The following PIGL variants were observed in gnomAD, a reference collection of about 807,000 sequenced individuals.
PIGL encodes N-acetylglucosaminyl-phosphatidylinositol de-N-acetylase.
PIGL carries 22 observed loss-of-function variants against 31.1 expected under a neutral mutation model. The observed-to-expected ratio is 0.71, with a 90% confidence interval of 0.51 to 1.01. The LOEUF is 1.01. Among genes scored for constraint, PIGL ranks in the 50% least tolerant of loss-of-function variants. The pLI, the probability that PIGL is intolerant of heterozygous loss-of-function variation, is 0.00. For synonymous variants in PIGL, 131 were observed against 117.4 expected (o/e 1.12, Z -0.75); for missense variants, 302 against 315.9 (o/e 0.96, Z 0.33).
chr17:16,266,660 A>G (rs912315808), intron 2 of PIGL, among the ~76,000 whole-genome samples: 21 of 151,306 alleles, frequency 1.4e-4, no homozygotes, highest in Non-Finnish European at 2.4e-4. Context: ...CAGTGGCGCT[A>G]TCTCGGCTCA....
At chr17:16,228,630 C>CCGCCTTGGAGG (rs1437717627) in intron 1 of PIGL, among the ~76,000 whole-genome samples, 1 of 152,140 alleles carries the variant, frequency 6.6e-6, no homozygotes, top group Non-Finnish European at 1.5e-5. Context: ...CCTCGTGATC[C>CCGCCTTGGAGG]GCCCGCCTTG....
chr17:16,268,629 T>C (rs1168723285), intron 2 of PIGL, among the ~76,000 whole-genome samples: 1 of 151,630 alleles, frequency 6.6e-6, no homozygotes, highest in Admixed American at 6.6e-5. Flanking sequence ...TTTGTATTTT[T>C]AGTAGAGATG....
intron 1 of PIGL, among the ~76,000 whole-genome samples, chr17:16,220,675 C>A (rs771691717): frequency 6.6e-6 from 1 of 151,784 alleles, no homozygotes; most frequent in South Asian, 2.1e-4. Flanking sequence ...TTAGTAGAGA[C>A]GGGCTTTCTC....
intron 1 of PIGL, among the ~76,000 whole-genome samples, chr17:16,221,618 TTTTG>T (rs2092629697): frequency 6.6e-6 from 1 of 151,586 alleles, no homozygotes. Flanking sequence ...CCTGGCTAAT[TTTTG>T]TTTTTGTTTT....
At chr17:16,270,934 C>T (rs1270175469) in intron 2 of PIGL, among the ~76,000 whole-genome samples, 1 of 151,798 alleles carries the variant, frequency 6.6e-6, no homozygotes, top group Non-Finnish European at 1.5e-5. Flanking sequence ...TGATCCCTCC[C>T]TTGGACTCAT....
chr17:16,252,463 G>A (rs1477438315), intron 2 of PIGL, among the ~76,000 whole-genome samples: 1 of 151,892 alleles, frequency 6.6e-6, no homozygotes, highest in African/African-American at 2.4e-5. Context: ...TTTAACAGTA[G>A]CTGCTACTTA....
intron 1 of PIGL, among the ~76,000 whole-genome samples, chr17:16,221,686 C>G (rs184319123): frequency 6.6e-6 from 1 of 152,210 alleles, no homozygotes; most frequent in Non-Finnish European, 1.5e-5. Flanking sequence ...GTGGCACAAT[C>G]TCGGCTCACT....
chr17:16,308,210 G>A (rs1276672630), intron 3 of PIGL, among the ~76,000 whole-genome samples: 2 of 152,014 alleles, frequency 1.3e-5, no homozygotes, highest in Admixed American at 1.3e-4. Context: ...GCAGATGCCT[G>A]TAATCCCAGC....
intron 2 of PIGL, among the ~76,000 whole-genome samples, chr17:16,269,648 CAAA>C (rs746630809): frequency 3.3e-5 from 2 of 61,034 alleles, no homozygotes; most frequent in Non-Finnish European, 3.5e-5. Flanking sequence ...GACTCCGTCT[CAAA>C]AAAAAAAAAA....
chr17:16,323,558 A>C (rs1204488361), intron 6 of PIGL, among the ~76,000 whole-genome samples: 1 of 148,706 alleles, frequency 6.7e-6, no homozygotes, highest in Non-Finnish European at 1.5e-5. Flanking sequence ...TTTATTGTTA[A>C]TTTATAATTT....
At chr17:16,228,594 TA>T (rs1441035744) in intron 1 of PIGL, among the ~76,000 whole-genome samples, 1 of 150,656 alleles carries the variant, frequency 6.6e-6, no homozygotes, top group African/African-American at 2.5e-5. Flanking sequence ...TTCACCGTGT[TA>T]GCCAGGATGG....
At chr17:16,311,065 G>A (rs1313312516) in intron 3 of PIGL, among the ~76,000 whole-genome samples, 1 of 152,096 alleles carries the variant, frequency 6.6e-6, no homozygotes, top group Non-Finnish European at 1.5e-5. Context: ...ATGCTTTACA[G>A]TTTAAAATAG....
chr17:16,259,886 CTT>C (rs2092812092), intron 2 of PIGL, among the ~76,000 whole-genome samples: 1 of 152,222 alleles, frequency 6.6e-6, no homozygotes, highest in African/African-American at 2.4e-5. Flanking sequence ...TCCCTGCACT[CTT>C]GACTCAGGAA....
chr17:16,244,825 T>A (rs2092737662), intron 2 of PIGL, among the ~76,000 whole-genome samples: 1 of 151,780 alleles, frequency 6.6e-6, no homozygotes, highest in South Asian at 2.1e-4. Flanking sequence ...CAGGCACACG[T>A]CACCACATCT....
chr17:16,317,709 G>A (rs1389068274), intron 5 of PIGL, 66 bp from the exon 6 acceptor site: 1 of 1,605,976 alleles, frequency 6.2e-7, no homozygotes, highest in Non-Finnish European at 8.5e-7. Context: ...GAGGGAGGAT[G>A]CTCAGGGGAA....
At chr17:16,254,993 G>T (rs1031159138) in intron 2 of PIGL, among the ~76,000 whole-genome samples, 3 of 152,200 alleles carry the variant, frequency 2.0e-5, no homozygotes, top group African/African-American at 7.2e-5. Context: ...GTAAAGGAAT[G>T]ATTCCATTTG....
chr17:16,231,658 C>T (rs925267803), intron 1 of PIGL, among the ~76,000 whole-genome samples: 7 of 151,962 alleles, frequency 4.6e-5, no homozygotes, highest in African/African-American at 1.7e-4. Context: ...TGAGTCTTTA[C>T]AAAATGTCTT....
At chr17:16,235,752 C>CTTTTT (rs35285920) in intron 2 of PIGL, among the ~76,000 whole-genome samples, 1 of 111,530 alleles carries the variant, frequency 9.0e-6, no homozygotes, top group Non-Finnish European at 1.8e-5. Context: ...TGTGTCCGGT[C>CTTTTT]TTTTTTTTTT....
At chr17:16,276,905 T>C (rs549733630) in intron 2 of PIGL, among the ~76,000 whole-genome samples, 10 of 152,228 alleles carry the variant, frequency 6.6e-5, no homozygotes, top group Non-Finnish European at 1.5e-4. Context: ...GCAGCAACAA[T>C]AATTATTTTT....
Sources: allele counts gnomAD v4.1 joint callset (sites outside exome capture counted in the v4.1 genomes callset), GRCh38; gene constraint gnomAD v4.1.1; transcripts MANE v1.5; gene names NCBI Gene and HGNC (gene_info 2026-07-23, HGNC 2026-07-21).